Variants in PCDHGB1 observed in about 807,000 individuals in gnomAD.
The protein encoded by PCDHGB1 is protocadherin gamma-B1.
PCDHGB1 carries 34 observed loss-of-function variants against 56.6 expected under a neutral mutation model. The ratio of observed to expected loss-of-function variants is 0.60; its 90% CI spans 0.46 to 0.80. The LOEUF is 0.80. Among genes scored for constraint, PCDHGB1 ranks in the 30% least tolerant of loss-of-function variants. The pLI is 0.00. For synonymous variants in PCDHGB1, 561 were observed against 505.9 expected (o/e 1.11, Z -1.46); for missense variants, 1,278 against 1,204.6 (o/e 1.06, Z -0.90).
chr5:141,382,081 G>A (rs933434638), intron 1 of PCDHGB1, among the ~76,000 whole-genome samples: 12 of 151,852 alleles, frequency 7.9e-5, no homozygotes, highest in Non-Finnish European at 1.6e-4. Context: ...CGCCCGCCTC[G>A]GCCTCACAAA....
In PCDHGB1 at chr5:141,476,742, G is replaced by C. The variant is rs1015622831; in HGVS notation, c.2410-18065G>C. 8.7e-6 allele frequency: 14 copies of C among 1,613,936 alleles called. No homozygotes were observed. Among genetic ancestry groups the C allele is most frequent in the Non-Finnish European group, 1.1e-5 (13 of 1,180,032 alleles). On this transcript the variant is annotated intron_variant, in intron 1 of 3. Transcript: ENST00000523390. The surrounding 1 kb of genome is among the most constrained non-coding windows in gnomAD (Gnocchi z 7.6). ...GCCCTGGACCGAGAACGGGAGCCTA[G>C]TCTCCAGTTAGTGCTGACGGCGTTG...
rs1342791727 is a variant in PCDHGB1 at position 141,350,531 on chromosome 5, A to C, written c.271A>C (p.Lys91Gln). 1 of 1,614,042 alleles carries C rather than the reference A, an allele frequency of 6.2e-7. No individual in the cohort carries two copies. Residue 91 changes from lysine (K) to glutamine (Q), a missense_variant, in exon 1 of 4, where the codon AAG (lysine) becomes CAG (glutamine). Transcript: ENST00000523390. ...AGTGAACGGTAGGATAGATCGAGAGAAGATTTGCGGAAGGAAACTTGAGTG... is the reference window on the plus strand; with the variant it reads ...AGTGAACGGTAGGATAGATCGAGAGCAGATTTGCGGAAGGAAACTTGAGTG... ...LLVNGRIDRE[K>Q]ICGRKLECAL...
chr5:141,355,431 G>T, intron 1 of PCDHGB1: 2 of 1,614,100 alleles, frequency 1.2e-6, no homozygotes, highest in Non-Finnish European at 1.7e-6. Context: ...TTTTCGCCCT[G>T]AACCCGCGCA....
intron 1 of PCDHGB1, chr5:141,417,651 A>G (rs2154547111): frequency 1.2e-6 from 1 of 822,038 alleles, no homozygotes; most frequent in Non-Finnish European, 1.8e-6. Flanking sequence ...CTCAGCCTCT[A>G]GCCTGGGATT....
intron 1 of PCDHGB1, chr5:141,355,471 G>T (rs1316340611): frequency 6.2e-7 from 1 of 1,614,102 alleles, no homozygotes; most frequent in South Asian, 1.1e-5. Context: ...GGGTAGGATA[G>T]ACAGGGAGGA....
At chr5:141,458,496 A>G (rs905073741) in intron 1 of PCDHGB1, among the ~76,000 whole-genome samples, 1 of 151,694 alleles carries the variant, frequency 6.6e-6, no homozygotes, top group Non-Finnish European at 1.5e-5. Flanking sequence ...CTGCCTGTAC[A>G]TACTGTTTGA....
chr5:141,366,256 C>T (rs751677361), intron 1 of PCDHGB1: 9 of 1,613,584 alleles, frequency 5.6e-6, no homozygotes, highest in African/African-American at 2.7e-5. Context: ...AGCAGAGCCT[C>T]GTGGTGGCCG....
chr5:141,509,882 GTGAC>G (rs1186067105), intron 3 of PCDHGB1, among the ~76,000 whole-genome samples: 1 of 152,182 alleles, frequency 6.6e-6, no homozygotes, highest in Non-Finnish European at 1.5e-5. Context: ...GGTGGTGATG[GTGAC>G]TGACTGTCCC....
intron 1 of PCDHGB1, chr5:141,389,468 C>T (rs772524229): frequency 1.2e-6 from 2 of 1,613,294 alleles, no homozygotes; most frequent in East Asian, 2.2e-5. Context: ...CCTTCGAACT[C>T]ACACTGCAGG....
intron 1 of PCDHGB1, among the ~76,000 whole-genome samples, chr5:141,436,613 A>C (rs1334315821): frequency 1.3e-5 from 2 of 152,206 alleles, no homozygotes; most frequent in Non-Finnish European, 2.9e-5. Flanking sequence ...AGGGCTAACA[A>C]AAATCTGATT....
chr5:141,416,523 C>G (rs2096035969), intron 1 of PCDHGB1: 1 of 152,064 alleles, frequency 6.6e-6, no homozygotes, highest in Admixed American at 6.6e-5. Flanking sequence ...TTCAGTGGCT[C>G]TTTAATGTAT....
chr5:141,388,204 A>T lies in PCDHGB1; in HGVS notation c.2409+35535A>T, dbSNP rs746829885. ...AAGCCAGCTTGTGCTCTGGAATTTG[A>T]GGCTGTTGCTGAAAATCCACTGAAC... On this transcript the variant is annotated intron_variant, in intron 1 of 3. Coordinates refer to ENST00000523390, the MANE Select transcript of PCDHGB1 (RefSeq NM_018922.3). 9 of 1,575,744 alleles carry T rather than the reference A, an allele frequency of 5.7e-6. No homozygotes were observed. The Admixed American group carries it at 1.5e-4, about 27-fold the overall frequency.
rs759437302 is a variant in PCDHGB1, at chr5:141,476,861, T to C, written c.2410-17946T>C. On this transcript the variant is annotated intron_variant, in intron 1 of 3. Transcript: ENST00000523390. The surrounding 1 kb of genome is among the most constrained non-coding windows in gnomAD (Gnocchi z 7.6). Reference sequence around the variant, plus strand: ...TGCGCCTGTCTTCAACCAGTCCTTGTACCGGGCGCGCGTCCTGGAGGATGC... The same window carrying C: ...TGCGCCTGTCTTCAACCAGTCCTTGCACCGGGCGCGCGTCCTGGAGGATGC... 6.2e-7 allele frequency: 1 copy of C among 1,613,864 alleles called. No individual in the cohort carries two copies. The highest frequency in any genetic ancestry group is 1.7e-5 in the Admixed American group (1 of 60,034).
intron 1 of PCDHGB1, chr5:141,375,760 G>T (rs779640846): frequency 1.2e-6 from 2 of 1,614,118 alleles, no homozygotes; most frequent in Admixed American, 1.7e-5. Context: ...ATGACAATGC[G>T]CCCGAGATCC....
Position 141,487,322 on chromosome 5 carries a change from C to T in PCDHGB1, c.2410-7485C>T, listed in dbSNP as rs760334964. 7.4e-6 allele frequency: 12 copies of T among 1,614,134 alleles called. No homozygotes were observed. Among genetic ancestry groups the T allele is most frequent in the South Asian group, 3.3e-5 (3 of 91,082 alleles). ...CGTGGCACTACTCTCTAAGTGTCTT[C>T]GTGGGGCAGCCTGTGGAGTCACATG... On this transcript the variant is annotated intron_variant, in intron 1 of 3. Coordinates refer to ENST00000523390, the MANE Select transcript of PCDHGB1 (RefSeq NM_018922.3). The surrounding 1 kb of genome is among the most constrained non-coding windows in gnomAD (Gnocchi z 5.0).
intron 1 of PCDHGB1, among the ~76,000 whole-genome samples, chr5:141,386,304 C>T (rs1239396408): frequency 6.6e-6 from 1 of 152,104 alleles, no homozygotes; most frequent in African/African-American, 2.4e-5. Flanking sequence ...TAGTAAAGCT[C>T]AGTATATCAA....
chr5:141,394,837 T>G lies in PCDHGB1; in HGVS notation c.2409+42168T>G, dbSNP rs993988817. 198 of 1,613,706 alleles carry G rather than the reference T, an allele frequency of 1.2e-4. No homozygotes were observed. The highest frequency in any genetic ancestry group is 1.6e-4 in the Non-Finnish European group (187 of 1,179,960). ...AGCATCCCCGAAGTCCTGACCGAGT[T>G]GGGCAGTCTGAAGCCTTCGGTCGAC... is the stretch of plus-strand genomic sequence containing the variant. On this transcript the variant is annotated intron_variant, in intron 1 of 3. Coordinates refer to ENST00000523390, the MANE Select transcript of PCDHGB1 (RefSeq NM_018922.3).
intron 1 of PCDHGB1, chr5:141,428,329 A>G (rs928788851): frequency 4.8e-6 from 3 of 627,180 alleles, no homozygotes; most frequent in South Asian, 3.5e-5. Context: ...CTTGATTTCT[A>G]TGCTCTTCTT....
chr5:141,489,084 C>G lies in PCDHGB1; in HGVS notation c.2410-5723C>G. ...CTCCCCCCTGCCCACCCCCGCCACT[C>G]GGTGACTAAGAACTGCTGCAAGCAG... On this transcript the variant is annotated intron_variant, in intron 1 of 3. Transcript: ENST00000523390. This position sits in a 1 kb window ranked among gnomAD's most constrained non-coding sequence, Gnocchi z 4.5. 6.1e-6 allele frequency: 2 copies of G among 329,126 alleles called. No homozygotes were observed. The highest frequency in any genetic ancestry group is 2.5e-5 in the African/African-American group (1 of 40,384). 20.4% of individuals were successfully genotyped at this position (329,126 alleles called of 1,614,324 possible). A position where few individuals can be genotyped will look rare whatever the true frequency, so the allele number is the denominator to read the frequency against.
Sources: gnomAD v4.1 joint callset for allele counts (sites outside exome capture counted in the v4.1 genomes callset) on GRCh38, gnomAD v4.1.1 for gene constraint, Gnocchi (gnomAD v3.1) non-coding constraint, MANE v1.5 for transcripts, NCBI Gene and HGNC (gene_info 2026-07-23, HGNC 2026-07-21) for gene names.